Variants in DMD observed in about 807,000 individuals in gnomAD.
DMD encodes the protein mutant dystrophin.
In DMD, 63 loss-of-function variants were observed where a neutral mutation model predicts 330.1. That is an observed-to-expected ratio of 0.19 (90% confidence interval 0.16 to 0.24). The LOEUF is 0.24. DMD is among the 10% of genes least tolerant of loss of function. DMD has a pLI of 1.00. For missense variants in DMD, 3,344 were observed against 2,684.1 expected, an observed-to-expected ratio of 1.25 and a Z score of -5.43; for synonymous variants, 1,223 against 959.8, an observed-to-expected ratio of 1.27 and a Z score of -5.07.
chrX:33,065,443 T>C lies in DMD; in HGVS notation c.32-45243A>G, dbSNP rs746029615. Among the ~76,000 whole-genome samples, 5 of 112,502 alleles carry C rather than the reference T, an allele frequency of 4.4e-5. No individual in the cohort carries two copies. The East Asian group carries it at 1.1e-3, about 25-fold the overall frequency. Reference sequence around the variant, plus strand: ...CAGTTTGATTCATTAAGGGACAATATCACTTTACAGAAATTTACATGTATT... The same window carrying C: ...CAGTTTGATTCATTAAGGGACAATACCACTTTACAGAAATTTACATGTATT... On this transcript the variant is annotated intron_variant, in intron 1 of 78. Transcript: ENST00000357033.
intron 55 of DMD, among the ~76,000 whole-genome samples, chrX:31,525,409 T>A (rs1045217222): frequency 2.7e-5 from 3 of 112,140 alleles, no homozygotes; most frequent in African/African-American, 9.7e-5. Context: ...CTAAATGAAC[T>A]ATTTCATTTA....
chrX:32,822,838 A>G (rs761302806), intron 5 of DMD, among the ~76,000 whole-genome samples: 2 of 111,177 alleles, frequency 1.8e-5, no homozygotes, highest in Non-Finnish European at 3.8e-5. Flanking sequence ...CACATTATGG[A>G]GTTTGTATGT....
intron 44 of DMD, among the ~76,000 whole-genome samples, chrX:32,080,575 T>C (rs2096384420): frequency 8.9e-6 from 1 of 112,047 alleles, no homozygotes; most frequent in African/African-American, 3.2e-5. Flanking sequence ...AAACTTAACC[T>C]AAAATGTTCT....
chrX:32,847,471 T>C (rs1685959821), intron 3 of DMD, among the ~76,000 whole-genome samples: 1 of 112,421 alleles, frequency 8.9e-6, no homozygotes, highest in African/African-American at 3.2e-5. Flanking sequence ...ATTTCTGTTC[T>C]ATAGTATACA....
At chrX:32,351,279 T>C (rs183023600) in intron 37 of DMD, among the ~76,000 whole-genome samples, 14 of 110,733 alleles carry the variant, frequency 1.3e-4, no homozygotes, top group African/African-American at 4.6e-4. Context: ...TCTATGGTTT[T>C]AAAGGATAAA....
At chrX:32,613,045 G>A (rs771015467) in intron 12 of DMD, among the ~76,000 whole-genome samples, 7 of 111,686 alleles carry the variant, frequency 6.3e-5, no homozygotes, top group Non-Finnish European at 9.4e-5. Flanking sequence ...AAGGTATGAG[G>A]TAAAGGAGCA....
intron 55 of DMD, among the ~76,000 whole-genome samples, chrX:31,550,518 C>T (rs1038884180): frequency 1.8e-5 from 2 of 111,891 alleles, no homozygotes; most frequent in African/African-American, 6.5e-5. Flanking sequence ...CCTCTTTACT[C>T]GTTTAATTAT....
At chrX:32,342,401 TG>T (rs2097748405) in intron 40 of DMD, 119 bp from the exon 41 acceptor site, 5 of 759,005 alleles carry the variant, frequency 6.6e-6, no homozygotes, top group Non-Finnish European at 7.6e-6. Flanking sequence ...TGTCATCCTT[TG>T]AAGTTTACAA....
At chrX:31,553,833 C>T (rs2074639383) in intron 55 of DMD, among the ~76,000 whole-genome samples, 1 of 112,254 alleles carries the variant, frequency 8.9e-6, no homozygotes, top group African/African-American at 3.2e-5. Flanking sequence ...ATTTTCACAG[C>T]CATATGGTTA....
chrX:31,932,054 T>TG lies in DMD; in HGVS notation c.6762+25dup, dbSNP rs759480636. The TG allele has an allele frequency of 2.5e-6, 3 of 1,204,907 alleles. No individual in the cohort carries two copies. In the African/African-American group the frequency reaches 5.3e-5, roughly 21 times the overall value. ...TATACTTCTTTATGCAAGCAGGCCC[T>TG]GGGGGATTTGAGAAAATAAAATTAC... On this transcript the variant is annotated intron_variant, in intron 46 of 78. Coordinates refer to ENST00000357033, the MANE Select transcript of DMD (RefSeq NM_004006.3).
chrX:31,402,983 A>G lies in DMD; in HGVS notation c.9084+41498T>C, dbSNP rs1000146914. ...ATGATTATTTGGGTTGCCTATTTAG[A>G]CAAGAAAATAGGGCATCGATAATCT... On this transcript the variant is annotated intron_variant, in intron 60 of 78. Transcript: ENST00000357033. 6.3e-5 allele frequency among the ~76,000 whole-genome samples: 7 copies of G among 111,986 alleles called. No individual in the cohort carries two copies. In the Admixed American group the frequency reaches 6.6e-4, roughly 11 times the overall value.
chrX:32,844,406 C>CAAAAA (rs113585554), intron 4 of DMD, among the ~76,000 whole-genome samples: 5 of 73,942 alleles, frequency 6.8e-5, no homozygotes, highest in Non-Finnish European at 8.2e-5. Flanking sequence ...GACTCCATCT[C>CAAAAA]AAAAAAAAAA....
intron 11 of DMD, among the ~76,000 whole-genome samples, chrX:32,625,726 A>C (rs750421548): frequency 8.9e-6 from 1 of 112,353 alleles, no homozygotes; most frequent in Non-Finnish European, 1.9e-5. Context: ...TGAAAACATA[A>C]TCATATGCTA....
At chrX:32,168,418 C>T (rs1327905844) in intron 44 of DMD, among the ~76,000 whole-genome samples, 2 of 109,856 alleles carry the variant, frequency 1.8e-5, no homozygotes, top group Non-Finnish European at 3.8e-5. Context: ...CTCTTATGCT[C>T]TTCCTCTTGA....
intron 74 of DMD, among the ~76,000 whole-genome samples, chrX:31,154,545 C>T (rs1242849194): frequency 1.8e-5 from 2 of 110,099 alleles, no homozygotes; most frequent in Admixed American, 9.7e-5. Flanking sequence ...CCGCCTGCCT[C>T]GGCCTCCCAA....
intron 12 of DMD, among the ~76,000 whole-genome samples, chrX:32,599,284 C>A (rs754317961): frequency 1.8e-5 from 2 of 111,528 alleles, no homozygotes; most frequent in African/African-American, 6.5e-5. Context: ...CTGATTCTTA[C>A]AAGTAGCAGA....
rs886270328 is a variant in DMD at position 31,765,320 on chromosome X, T to G, written c.7542+8640A>C. ...ATATGATTGAAACCACCATAACACT[T>G]TTTTCTTTTGTGGCCATGACTGCCC... On this transcript the variant is annotated intron_variant, in intron 51 of 78. Coordinates refer to ENST00000357033, the MANE Select transcript of DMD (RefSeq NM_004006.3). Among the ~76,000 whole-genome samples the G allele has an allele frequency of 9.9e-5, 11 of 111,644 alleles. No individual in the cohort carries two copies. In the Admixed American group the frequency reaches 1.0e-3, roughly 11 times the overall value.
chrX:31,670,396 T>C (rs1000774192), intron 53 of DMD, among the ~76,000 whole-genome samples: 1 of 112,208 alleles, frequency 8.9e-6, no homozygotes, highest in African/African-American at 3.2e-5. Context: ...GCATTCAGTG[T>C]TTCACAATAA....
intron 60 of DMD, among the ~76,000 whole-genome samples, chrX:31,435,184 A>C (rs1241682838): frequency 8.9e-6 from 1 of 111,955 alleles, no homozygotes; most frequent in Non-Finnish European, 1.9e-5. Context: ...GAGGCTTAAA[A>C]GCATTAGCAC....
Sources: gnomAD v4.1 joint callset for allele counts (sites outside exome capture counted in the v4.1 genomes callset) on GRCh38, gnomAD v4.1.1 for gene constraint, MANE v1.5 for transcripts, NCBI Gene and HGNC (gene_info 2026-07-23, HGNC 2026-07-21) for gene names.